The following CNTNAP2 variants were observed in gnomAD, a reference collection of about 807,000 sequenced individuals.
CNTNAP2 encodes contactin associated protein 2, also known as contactin-associated protein-like 2.
CNTNAP2 carries 98 observed loss-of-function variants against 155.2 expected under a neutral mutation model. That is an observed-to-expected ratio of 0.63 (90% CI 0.54 to 0.75). CNTNAP2 has a LOEUF of 0.75. Ranked by LOEUF, CNTNAP2 falls within the 30% of genes least tolerant of loss-of-function variation. The pLI is 0.00. For synonymous variants in CNTNAP2, 651 were observed against 631.2 expected, an observed-to-expected ratio of 1.03 and a Z score of -0.47; for missense variants, 1,727 against 1,688.1, an observed-to-expected ratio of 1.02 and a Z score of -0.40.
intron 13 of CNTNAP2, among the ~76,000 whole-genome samples, chr7:147,644,921 G>C (rs983360816): frequency 6.6e-6 from 1 of 151,982 alleles, no homozygotes; most frequent in Non-Finnish European, 1.5e-5. Flanking sequence ...GAGATAAAAA[G>C]TTATCTTCCC....
At chr7:146,723,611 G>A (rs969952469) in intron 1 of CNTNAP2, among the ~76,000 whole-genome samples, 1 of 152,140 alleles carries the variant, frequency 6.6e-6, no homozygotes, top group African/African-American at 2.4e-5. Flanking sequence ...GACTCACCTG[G>A]GAAGAACTAT....
At chr7:147,021,974 CTTATTTT>C (rs1267399119) in intron 3 of CNTNAP2, among the ~76,000 whole-genome samples, 1 of 152,046 alleles carries the variant, frequency 6.6e-6, no homozygotes, top group East Asian at 1.9e-4. Context: ...CCTATTTTCT[CTTATTTT>C]TTATTTTTTG....
At chr7:147,176,843 T>G (rs1222371407) in intron 8 of CNTNAP2, among the ~76,000 whole-genome samples, 4 of 125,556 alleles carry the variant, frequency 3.2e-5, no homozygotes, top group Non-Finnish European at 4.8e-5. Flanking sequence ...TAATTATATA[T>G]TATAATATAT....
intron 8 of CNTNAP2, among the ~76,000 whole-genome samples, chr7:147,230,739 T>G (rs928589032): frequency 2.0e-5 from 3 of 152,186 alleles, no homozygotes; most frequent in African/African-American, 7.2e-5. Context: ...CAACATCTCC[T>G]CATTTACTCC....
intron 13 of CNTNAP2, among the ~76,000 whole-genome samples, chr7:147,682,806 G>C (rs994687816): frequency 2.0e-5 from 3 of 151,924 alleles, no homozygotes; most frequent in African/African-American, 7.2e-5. Context: ...ATGCCTGTTT[G>C]ACAGCAAGCA....
chr7:146,356,603 T>C (rs774509605), intron 1 of CNTNAP2, among the ~76,000 whole-genome samples: 12 of 152,196 alleles, frequency 7.9e-5, no homozygotes, highest in Admixed American at 2.0e-4. Flanking sequence ...GAATGTGAAG[T>C]AAGATTAATC....
intron 19 of CNTNAP2, among the ~76,000 whole-genome samples, chr7:148,224,242 G>GT (rs1795803309): frequency 6.6e-6 from 1 of 152,068 alleles, no homozygotes; most frequent in Non-Finnish European, 1.5e-5. Flanking sequence ...CAATCAACGT[G>GT]TTTTTTCTGC....
chr7:147,257,468 T>A (rs1271586157), intron 8 of CNTNAP2, among the ~76,000 whole-genome samples: 1 of 152,154 alleles, frequency 6.6e-6, no homozygotes, highest in Non-Finnish European at 1.5e-5. Flanking sequence ...GCACAGTGGG[T>A]GTGTGCAGGA....
chr7:146,721,879 A>G lies in CNTNAP2; in HGVS notation c.98-52392A>G, dbSNP rs868439448. Among the ~76,000 whole-genome samples the G allele has an allele frequency of 3.3e-3, 267 of 80,206 alleles. 14 individuals carry two copies. In the African/African-American group the frequency reaches 0.035, roughly 10 times the overall value. The allele number at this position is 80,206 out of a possible 152,430, so 52.6% of individuals were successfully genotyped here. On this transcript the variant is annotated intron_variant, in intron 1 of 23. Coordinates refer to ENST00000361727, the MANE Select transcript of CNTNAP2 (RefSeq NM_014141.6). ...TTTATATGTGTGTGTGTGTGTGTAT[A>G]TATATATATATTTTTTTTTTTTTTT...
intron 1 of CNTNAP2, among the ~76,000 whole-genome samples, chr7:146,125,576 G>A (rs1355463938): frequency 8.8e-5 from 8 of 90,564 alleles, no homozygotes; most frequent in East Asian, 2.9e-4. Context: ...GCGAGACTCC[G>A]TCTCCAAAAA....
At chr7:148,264,050 C>A (rs1039832957) in intron 20 of CNTNAP2, among the ~76,000 whole-genome samples, 1 of 150,994 alleles carries the variant, frequency 6.6e-6, no homozygotes, top group Non-Finnish European at 1.5e-5. Flanking sequence ...CTGTTAATGT[C>A]AATTATCAAG....
At chr7:148,329,211 C>A (rs1033246731) in intron 21 of CNTNAP2, among the ~76,000 whole-genome samples, 12 of 152,030 alleles carry the variant, frequency 7.9e-5, no homozygotes, top group Non-Finnish European at 1.5e-4. Flanking sequence ...TTCCAGTGGC[C>A]ATTGCTATGT....
chr7:146,673,581 C>T (rs1414569842), intron 1 of CNTNAP2, among the ~76,000 whole-genome samples: 1 of 152,190 alleles, frequency 6.6e-6, no homozygotes, highest in Non-Finnish European at 1.5e-5. Context: ...GACAACCATA[C>T]TTCAATCACA....
At chr7:147,577,208 C>G (rs1418280043) in intron 12 of CNTNAP2, among the ~76,000 whole-genome samples, 1 of 152,056 alleles carries the variant, frequency 6.6e-6, no homozygotes, top group Non-Finnish European at 1.5e-5. Context: ...CATCATACTT[C>G]TGCGTCACTG....
intron 13 of CNTNAP2, among the ~76,000 whole-genome samples, chr7:147,852,165 A>G (rs116425899): frequency 6.6e-6 from 1 of 152,178 alleles, no homozygotes; most frequent in Non-Finnish European, 1.5e-5. Context: ...ACACTTTACA[A>G]CATGAATTCA....
chr7:148,256,492 C>A (rs1027579682), intron 20 of CNTNAP2, among the ~76,000 whole-genome samples: 4 of 152,156 alleles, frequency 2.6e-5, no homozygotes, highest in African/African-American at 9.7e-5. Flanking sequence ...TCTCATCCCC[C>A]CAGGCCACCT....
chr7:148,061,378 G>A (rs62471692), intron 15 of CNTNAP2, among the ~76,000 whole-genome samples: 1,807 of 151,936 alleles, frequency 0.012, 14 homozygotes, highest in Non-Finnish European at 0.019. Context: ...TTTTGAGACA[G>A]ACTGTCATTC....
At chr7:147,547,016 A>G (rs1799748763) in intron 11 of CNTNAP2, among the ~76,000 whole-genome samples, 2 of 152,148 alleles carry the variant, frequency 1.3e-5, no homozygotes, top group South Asian at 4.1e-4. Context: ...CCTAGGAGAC[A>G]TTGGTTACCA....
intron 10 of CNTNAP2, among the ~76,000 whole-genome samples, chr7:147,434,050 G>C (rs1043678266): frequency 1.3e-5 from 2 of 152,108 alleles, no homozygotes; most frequent in Admixed American, 6.6e-5. Context: ...AAAAATGAAG[G>C]AGCTTTGTTG....
Sources: gnomAD v4.1 joint callset for allele counts (sites outside exome capture counted in the v4.1 genomes callset) on GRCh38, gnomAD v4.1.1 for gene constraint, MANE v1.5 for transcripts, NCBI Gene and HGNC (gene_info 2026-07-23, HGNC 2026-07-21) for gene names.